Variants in ASPDH observed in about 807,000 individuals in gnomAD.
The protein encoded by ASPDH is aspartate dehydrogenase domain-containing protein.
Under a neutral mutation model 30.5 loss-of-function variants are expected in ASPDH, and 25 were observed. The observed-to-expected ratio is 0.82, with a 90% CI of 0.60 to 1.14. ASPDH has a LOEUF of 1.14. Ranked by LOEUF, ASPDH falls within the 50% of genes most tolerant of loss-of-function variation. The pLI is 0.00. For synonymous variants in ASPDH, 168 were observed against 156.3 expected, an observed-to-expected ratio of 1.07 and a Z score of -0.56; for missense variants, 401 against 381.5, an observed-to-expected ratio of 1.05 and a Z score of -0.43.
rs1216355195 is a variant in ASPDH, at chr19:50,513,406, G to A, written c.63C>T (p.Leu21=). ...VVGYGRLGQS[L]VSRLLAQGPE... is the part of the protein sequence containing the mutation. ...GTCCCTGAGCCAAGAGGCGGGAGAC[G>A]AGGGACTGTCCTGGGGAGAGGGAAA... Residue 21 remains leucine (L), a synonymous_variant, in exon 2 of 7, where the codon CTC becomes CTT. Coordinates refer to ENST00000389208, the MANE Select transcript of ASPDH (RefSeq NM_001114598.2). This position sits in a 1 kb window ranked among gnomAD's most constrained non-coding sequence, Gnocchi z 4.9. 1.8e-5 allele frequency: 27 copies of A among 1,512,582 alleles called. No homozygotes were observed. Among genetic ancestry groups the A allele is most frequent in the East Asian group, 5.0e-5 (2 of 40,358 alleles). 93.7% of individuals were successfully genotyped at this position (1,512,582 alleles called of 1,614,324 possible).
chr19:50,513,940 TC>T, upstream of ASPDH: 3 of 1,315,140 alleles, frequency 2.3e-6, no homozygotes, highest in Non-Finnish European at 3.1e-6. This position sits in a 1 kb window ranked among gnomAD's most constrained non-coding sequence, Gnocchi z 4.9. Context: ...GGCTCAGTCT[TC>T]CCCCTTCCCC....
At chr19:50,514,271 G>C (rs1348405957), upstream of ASPDH, among the ~76,000 whole-genome samples, 1 of 152,162 alleles carries the variant, frequency 6.6e-6, no homozygotes, top group Non-Finnish European at 1.5e-5. Flanking sequence ...CTTGTCCTCA[G>C]GCGGCTAAGG....
chr19:50,513,566 G>T lies in ASPDH; in HGVS notation c.53-150C>A. On this transcript the variant is annotated intron_variant, in intron 1 of 6. Coordinates refer to ENST00000389208, the MANE Select transcript of ASPDH (RefSeq NM_001114598.2). The surrounding 1 kb of genome is among the most constrained non-coding windows in gnomAD (Gnocchi z 4.9). Reference sequence around the variant, plus strand: ...GGGAGACAGAGATGGGGGCAGGGCAGAGACACAGTGGGGTGGACAGAGGCC... The same window carrying T: ...GGGAGACAGAGATGGGGGCAGGGCATAGACACAGTGGGGTGGACAGAGGCC... The T allele has an allele frequency of 1.2e-6, 1 of 868,820 alleles. No homozygotes were observed. Among genetic ancestry groups the T allele is most frequent in the Non-Finnish European group, 1.8e-6 (1 of 570,188 alleles). 53.8% of individuals were successfully genotyped at this position (868,820 alleles called of 1,614,324 possible).
At position 50,512,512 on chromosome 19, in the gene ASPDH, G is replaced by T; in HGVS notation, c.501C>A (p.His167Gln). ...FRLEGPLAAA[H>Q]SPGPCTVLYE... ...AGAGCACAGTGCAAGGCCCAGGGCT[G>T]TGGGCTGCAGCCAGGGGTCCCTCAA... is the stretch of plus-strand genomic sequence containing the variant. Residue 167 changes from histidine (H) to glutamine (Q), a missense_variant, in exon 5 of 7, where the codon CAC (histidine) becomes CAA (glutamine). By Grantham distance (24) the His-to-Gln change is conservative (BLOSUM62 0). Coordinates refer to ENST00000389208, the MANE Select transcript of ASPDH (RefSeq NM_001114598.2). The T allele has an allele frequency of 6.5e-7, 1 of 1,541,740 alleles. No individual in the cohort carries two copies.
At chr19:50,514,122 G>C (rs1980125746), upstream of ASPDH, among the ~76,000 whole-genome samples, 1 of 152,192 alleles carries the variant, frequency 6.6e-6, no homozygotes, top group East Asian at 1.9e-4. Context: ...CTGCTGATGT[G>C]GAAAGTTTCC....
upstream of ASPDH, chr19:50,514,510 C>T (rs371844570): frequency 1.7e-5 from 27 of 1,614,022 alleles, no homozygotes; most frequent in African/African-American, 2.4e-4. Flanking sequence ...TGTCCCCCAT[C>T]GTGCCACCAG....
At position 50,513,292 on chromosome 19, in the gene ASPDH, G is replaced by C; in HGVS notation, c.177C>G (p.Asn59Lys). The C allele has an allele frequency of 6.7e-7, 1 of 1,503,388 alleles. No homozygotes were observed. The highest frequency in any genetic ancestry group is 8.9e-7 in the Non-Finnish European group (1 of 1,125,950). 93.1% of individuals were successfully genotyped at this position (1,503,388 alleles called of 1,614,324 possible). Residue 59 changes from asparagine (N) to lysine (K), a missense_variant, in exon 2 of 7, where the codon AAC (asparagine) becomes AAG (lysine). Asn to Lys is a moderately conservative substitution (Grantham distance 94). Coordinates refer to ENST00000389208, the MANE Select transcript of ASPDH (RefSeq NM_001114598.2). This position sits in a 1 kb window ranked among gnomAD's most constrained non-coding sequence, Gnocchi z 4.9. Reference protein sequence around the residue: ...GSVPPSLQLQNLAALGERRPD... With the variant: ...GSVPPSLQLQKLAALGERRPD... ...CTGACCTTTCCCCAAGGGCAGCAAGGTTCTGGAGCTGCAGGGAAGGGGGCA... is the reference window on the plus strand; with the variant it reads ...CTGACCTTTCCCCAAGGGCAGCAAGCTTCTGGAGCTGCAGGGAAGGGGGCA...
chr19:50,512,867 T>G (rs1980038636), intron 3 of ASPDH, 57 bp from the exon 4 acceptor site: 2 of 1,597,838 alleles, frequency 1.3e-6, no homozygotes, highest in Admixed American at 1.7e-5. Context: ...CACTTCAGGG[T>G]GGGGTGAGAC....
upstream of ASPDH, chr19:50,514,554 C>T (rs113927750): frequency 2.1e-3 from 3,419 of 1,613,750 alleles, 74 homozygotes; most frequent in African/African-American, 0.04. Context: ...CTCCCACGTC[C>T]GTCCCTCCCG....
At chr19:50,514,976 G>A (rs144618413), upstream of ASPDH, 5,964 of 985,222 alleles carry the variant, frequency 6.1e-3, 26 homozygotes, top group Non-Finnish European at 6.8e-3. Context: ...TGGGAGAGAT[G>A]AGATGCCTGG....
chr19:50,511,637 A>G lies in ASPDH; in HGVS notation c.*93T>C. ...CAGCGGTGATCTTTACTGAGTCAGA[A>G]GGGAGACCCTGGGGAAGTGGGGCAG... is the stretch of plus-strand genomic sequence containing the variant. On this transcript the variant is annotated 3_prime_UTR_variant, in exon 7 of 7. Coordinates refer to ENST00000389208, the MANE Select transcript of ASPDH (RefSeq NM_001114598.2). 1 of 735,842 alleles carries G rather than the reference A, an allele frequency of 1.4e-6. No homozygotes were observed. The highest frequency in any genetic ancestry group is 4.6e-5 in the South Asian group (1 of 21,780). The allele number at this position is 735,842 out of a possible 1,614,324, so 45.6% of individuals were successfully genotyped here.
chr19:50,512,715 C>T lies in ASPDH; in HGVS notation c.378G>A (p.Gly126=), dbSNP rs1391554137. The T allele has an allele frequency of 4.5e-6, 7 of 1,551,930 alleles. No individual in the cohort carries two copies. The highest frequency in any genetic ancestry group is 1.2e-5 in the South Asian group (1 of 84,376). ...HWDHAVFVAR[G]ALWGAEDIRR... ...TGATGTCCTCAGCGCCCCACAGGGC[C>T]CCTCGGGCCACAAACACGGCGTGGT... Residue 126 remains glycine (G), a synonymous_variant, in exon 4 of 7, where the codon GGG becomes GGA. Transcript: ENST00000389208.
Position 50,512,341 on chromosome 19 carries a change from C to G in ASPDH, c.653+19G>C. On this transcript the variant is annotated intron_variant, in intron 5 of 6. Transcript: ENST00000389208. ...GGAGAGCCTGGACTCAGCCCAACACCCTGCTTAGCTCTGCTCACCTGGTAT... is the reference window on the plus strand; with the variant it reads ...GGAGAGCCTGGACTCAGCCCAACACGCTGCTTAGCTCTGCTCACCTGGTAT... 6.2e-7 allele frequency: 1 copy of G among 1,613,902 alleles called. No homozygotes were observed. Among genetic ancestry groups the G allele is most frequent in the Non-Finnish European group, 8.5e-7 (1 of 1,179,928 alleles).
At chr19:50,514,603 C>T (rs1980150478), upstream of ASPDH, 1 of 1,608,458 alleles carries the variant, frequency 6.2e-7, no homozygotes, top group Non-Finnish European at 8.5e-7. Context: ...GCCTTCGAGG[C>T]CTGGAGAGGC....
rs553890294 is a variant in ASPDH at position 50,512,966 on chromosome 19, A to G, written c.243T>C (p.His81=). 127 of 1,613,708 alleles carry G rather than the reference A, an allele frequency of 7.9e-5. No individual in the cohort carries two copies. In the South Asian group the frequency reaches 1.2e-3, roughly 16 times the overall value. Residue 81 remains histidine, a synonymous_variant, in exon 3 of 7, where the codon CAT becomes CAC. Coordinates refer to ENST00000389208, the MANE Select transcript of ASPDH (RefSeq NM_001114598.2). ...GGCGCAGGATTTGTGCCCCAGATTC[A>G]TGGATTATTTTGGGATGGGCCACTT... The part of the protein sequence containing the change: ...VVEVAHPKII[H]ESGAQILRHA...
chr19:50,513,850 G>T lies in ASPDH; in HGVS notation c.-27C>A. The T allele has an allele frequency of 6.5e-7, 1 of 1,546,166 alleles. No individual in the cohort carries two copies. The highest frequency in any genetic ancestry group is 2.4e-5 in the East Asian group (1 of 40,828). Reference sequence around the variant, plus strand: ...GCCCTGAGTGCGGTGTCTGGGGCCTGGCTCCCTGGGCTGCTCGCTGCCCGC... The same window carrying T: ...GCCCTGAGTGCGGTGTCTGGGGCCTTGCTCCCTGGGCTGCTCGCTGCCCGC... On this transcript the variant is annotated 5_prime_UTR_variant, in exon 1 of 7. Transcript: ENST00000389208. The surrounding 1 kb of genome is among the most constrained non-coding windows in gnomAD (Gnocchi z 4.9).
In ASPDH at chr19:50,511,620, A is replaced by G; in HGVS notation, c.*110T>C. 1 of 590,950 alleles carries G rather than the reference A, an allele frequency of 1.7e-6. No individual in the cohort carries two copies. Among genetic ancestry groups the G allele is most frequent in the Non-Finnish European group, 2.6e-6 (1 of 377,866 alleles). The allele number at this position is 590,950 out of a possible 1,614,324, so 36.6% of individuals were successfully genotyped here. A position where few individuals can be genotyped will look rare whatever the true frequency, so the allele number is the denominator to read the frequency against. On this transcript the variant is annotated 3_prime_UTR_variant, in exon 7 of 7. Coordinates refer to ENST00000389208, the MANE Select transcript of ASPDH (RefSeq NM_001114598.2). ...GGCGGTGCGGGGGGAGGCAGCGGTG[A>G]TCTTTACTGAGTCAGAAGGGAGACC...
Position 50,513,742 on chromosome 19 carries a change from G to C in ASPDH, c.52+30C>G. 1 of 1,484,960 alleles carries C rather than the reference G, an allele frequency of 6.7e-7. No homozygotes were observed. The highest frequency in any genetic ancestry group is 1.4e-5 in the African/African-American group (1 of 71,770). 92.0% of individuals were successfully genotyped at this position (1,484,960 alleles called of 1,614,324 possible). ...TGGGAGCTTTAGGAAGGGGTTTGGG[G>C]AAGGAGGCCAAGGATGGTCAGGGAC... On this transcript the variant is annotated intron_variant, in intron 1 of 6. Transcript: ENST00000389208. This position sits in a 1 kb window ranked among gnomAD's most constrained non-coding sequence, Gnocchi z 4.9.
In ASPDH at chr19:50,511,738, G is replaced by C; in HGVS notation, c.844C>G (p.Leu282Val). 1.4e-5 allele frequency: 19 copies of C among 1,316,918 alleles called. No individual in the cohort carries two copies. Among genetic ancestry groups the C allele is most frequent in the Non-Finnish European group, 1.8e-5 (18 of 1,027,514 alleles). 81.6% of individuals were successfully genotyped at this position (1,316,918 alleles called of 1,614,324 possible). Residue 282 changes from leucine (L) to valine (V), a missense_variant, in exon 7 of 7, where the codon CTC becomes GTC. Transcript: ENST00000389208. ...GGGAGGGAGGAGGCTTCTCAGCAGA[G>C]ATGGATCCCCGGCCTGGAGGGGAGC... The part of the protein sequence containing the change: ...CQLPSRPGIH[L>V]C
Sources: gnomAD v4.1 joint callset for allele counts (sites outside exome capture counted in the v4.1 genomes callset) on GRCh38, gnomAD v4.1.1 for gene constraint, Gnocchi (gnomAD v3.1) non-coding constraint, MANE v1.5 for transcripts, NCBI Gene and HGNC (gene_info 2026-07-23, HGNC 2026-07-21) for gene names.